HMGCLL1: variants seen among roughly 807,000 people sequenced by gnomAD.
HMGCLL1 encodes 3-hydroxymethyl-3-methylglutaryl-CoA lyase, cytoplasmic.
In HMGCLL1, 36 loss-of-function variants were observed where a neutral mutation model predicts 39.1. The ratio of observed to expected loss-of-function variants is 0.92; its 90% CI spans 0.71 to 1.22. HMGCLL1 has a LOEUF of 1.22. Among genes scored for constraint, HMGCLL1 ranks in the 50% most tolerant of loss-of-function variants. The probability of loss-of-function intolerance (pLI) is 0.00; values close to 1 mark genes in which losing one functional copy is unlikely to be tolerated. For synonymous variants in HMGCLL1, 149 were observed against 144.0 expected (o/e 1.03, Z -0.25); for missense variants, 451 against 416.5 (o/e 1.08, Z -0.72).
At chr6:55,508,521 AGT>A (rs745656034) in intron 5 of HMGCLL1, among the ~76,000 whole-genome samples, 4 of 151,792 alleles carry the variant, frequency 2.6e-5, no homozygotes, top group Non-Finnish European at 5.9e-5. Flanking sequence ...TCATATGAAT[AGT>A]GTTTCTAAAT....
At chr6:55,650,346 G>A in the HMGCLL1 span, among the ~76,000 whole-genome samples, 53 of 151,486 alleles carry the variant, frequency 3.5e-4, no homozygotes, top group African/African-American at 1.2e-3. Flanking sequence ...CCAGGTGTTC[G>A]AAGGGACTTG....
rs144548071 is a variant in HMGCLL1 at position 55,472,396 on chromosome 6, C to G, written c.795+23023G>C. Among the ~76,000 whole-genome samples the G allele has an allele frequency of 2.5e-3, 382 of 151,654 alleles. 2 individuals carry two copies. Among genetic ancestry groups the G allele is most frequent in the African/African-American group, 8.9e-3 (368 of 41,482 alleles). ...AGTGAAGTGTAATGACTTTTCAGAA[C>G]TTACTTGCTATTAATACACCTTTTC... On this transcript the variant is annotated intron_variant, in intron 7 of 8. Transcript: ENST00000274901.
intron 1 of HMGCLL1, among the ~76,000 whole-genome samples, chr6:55,544,686 G>C (rs1344344082): frequency 6.6e-6 from 1 of 152,070 alleles, no homozygotes. Flanking sequence ...AGCTGTTATT[G>C]GTTTTATCAG....
At chr6:55,570,968 C>T (rs1771454079) in intron 1 of HMGCLL1, among the ~76,000 whole-genome samples, 1 of 152,134 alleles carries the variant, frequency 6.6e-6, no homozygotes, top group Non-Finnish European at 1.5e-5. Context: ...AAAGGGGAAA[C>T]CCCTTATAAA....
chr6:55,442,354 T>C (rs1323873141), intron 7 of HMGCLL1, among the ~76,000 whole-genome samples: 2 of 152,160 alleles, frequency 1.3e-5, no homozygotes, highest in African/African-American at 4.8e-5. Flanking sequence ...GACTCATAGC[T>C]AATTATAGGT....
At chr6:55,530,544 A>G (rs761676551) in intron 3 of HMGCLL1, among the ~76,000 whole-genome samples, 1 of 152,060 alleles carries the variant, frequency 6.6e-6, no homozygotes, top group Non-Finnish European at 1.5e-5. Context: ...AAAATCAAAT[A>G]TTTTATGAAA....
the HMGCLL1 span, among the ~76,000 whole-genome samples, chr6:55,603,775 T>A: frequency 6.6e-6 from 1 of 152,180 alleles, no homozygotes; most frequent in South Asian, 2.1e-4. Flanking sequence ...AGCATGTTTA[T>A]GTTTCTATAA....
At chr6:55,442,353 C>CTAAT in intron 7 of HMGCLL1, among the ~76,000 whole-genome samples, 1 of 152,210 alleles carries the variant, frequency 6.6e-6, no homozygotes, top group South Asian at 2.1e-4. Flanking sequence ...GGACTCATAG[C>CTAAT]TAATTATAGG....
chr6:55,669,197 T>C, the HMGCLL1 span, among the ~76,000 whole-genome samples: 2 of 151,728 alleles, frequency 1.3e-5, no homozygotes, highest in South Asian at 2.1e-4. Flanking sequence ...ATTAGTAGCA[T>C]ACAAAAGTTT....
At chr6:55,553,310 T>A (rs1250638504) in intron 1 of HMGCLL1, among the ~76,000 whole-genome samples, 1 of 150,176 alleles carries the variant, frequency 6.7e-6, no homozygotes, top group East Asian at 2.0e-4. Flanking sequence ...TGGTGGTGCA[T>A]GCCTGTAATC....
chr6:55,591,176 A>C, the HMGCLL1 span, among the ~76,000 whole-genome samples: 1 of 152,010 alleles, frequency 6.6e-6, no homozygotes, highest in East Asian at 1.9e-4. Flanking sequence ...TTAGAGCTAG[A>C]ATTTGAATTC....
chr6:55,594,023 A>G, the HMGCLL1 span, among the ~76,000 whole-genome samples: 1 of 152,200 alleles, frequency 6.6e-6, no homozygotes, highest in Non-Finnish European at 1.5e-5. Context: ...CAAATATATT[A>G]TTCATCATTT....
the HMGCLL1 span, among the ~76,000 whole-genome samples, chr6:55,668,139 C>T: frequency 6.6e-6 from 1 of 151,874 alleles, no homozygotes; most frequent in Non-Finnish European, 1.5e-5. Flanking sequence ...AGCAAGAAGG[C>T]ATTTCGGGCT....
the HMGCLL1 span, among the ~76,000 whole-genome samples, chr6:55,650,088 T>TATATATATATATATACACAC: frequency 1.8e-5 from 1 of 54,778 alleles, no homozygotes; most frequent in Non-Finnish European, 3.5e-5. Flanking sequence ...CACACACATA[T>TATATATATATATATACACAC]ACATATATAT....
the HMGCLL1 span, among the ~76,000 whole-genome samples, chr6:55,605,376 G>A: frequency 1.3e-5 from 2 of 151,832 alleles, no homozygotes; most frequent in Admixed American, 6.6e-5. Flanking sequence ...ACATTAAACT[G>A]CATCACAGTA....
At chr6:55,646,835 G>A in the HMGCLL1 span, among the ~76,000 whole-genome samples, 1 of 152,016 alleles carries the variant, frequency 6.6e-6, no homozygotes, top group South Asian at 2.1e-4. Flanking sequence ...TGATCCATGT[G>A]CTGAGGAGAA....
chr6:55,472,597 T>G (rs1765096244), intron 7 of HMGCLL1, among the ~76,000 whole-genome samples: 1 of 151,506 alleles, frequency 6.6e-6, no homozygotes, highest in Non-Finnish European at 1.5e-5. Context: ...ATAATATATA[T>G]TTTTGTTTTA....
intron 7 of HMGCLL1, among the ~76,000 whole-genome samples, chr6:55,450,618 G>C (rs1057359713): frequency 2.2e-4 from 33 of 152,202 alleles, no homozygotes; most frequent in African/African-American, 8.0e-4. Context: ...AGGAAGAAGA[G>C]AGTTGAGGAA....
intron 1 of HMGCLL1, among the ~76,000 whole-genome samples, chr6:55,574,760 G>T (rs886072407): frequency 1.3e-5 from 2 of 151,854 alleles, no homozygotes; most frequent in African/African-American, 4.8e-5. Flanking sequence ...AAAGTATAAA[G>T]ATACATTATC....
Sources: gnomAD v4.1 joint callset for allele counts (sites outside exome capture counted in the v4.1 genomes callset) on GRCh38, gnomAD v4.1.1 for gene constraint, MANE v1.5 for transcripts, NCBI Gene and HGNC (gene_info 2026-07-23, HGNC 2026-07-21) for gene names.